The following SASH1 variants were observed in gnomAD, a reference collection of about 807,000 sequenced individuals.
The protein encoded by SASH1 is SAM and SH3 domain-containing protein 1.
SASH1 carries 44 observed loss-of-function variants against 125.2 expected under a neutral mutation model. The observed-to-expected ratio is 0.35, with a 90% CI of 0.28 to 0.45. SASH1 has a LOEUF of 0.45. Ranked by LOEUF, SASH1 falls within the 20% of genes least tolerant of loss-of-function variation. The probability of loss-of-function intolerance (pLI) is 1.00; values close to 1 mark genes in which losing one functional copy is unlikely to be tolerated. For missense variants in SASH1, 1,426 were observed against 1,614.5 expected, an observed-to-expected ratio of 0.88 and a Z score of 2.00; for synonymous variants, 639 against 649.1, an observed-to-expected ratio of 0.98 and a Z score of 0.24.
chr6:148,435,626 A>G, intron 2 of SASH1, among the ~76,000 whole-genome samples: 1 of 152,174 alleles, frequency 6.6e-6, no homozygotes, highest in East Asian at 1.9e-4. Flanking sequence ...GCAACAGTTA[A>G]GGAACTCTGA....
At chr6:148,419,484 ACT>A (rs1784955991) in intron 2 of SASH1, among the ~76,000 whole-genome samples, 2 of 152,106 alleles carry the variant, frequency 1.3e-5, no homozygotes, top group East Asian at 1.9e-4. Context: ...CTCATGTAAG[ACT>A]CTTGATTGTC....
At chr6:148,221,742 A>C in the SASH1 span, among the ~76,000 whole-genome samples, 1 of 152,216 alleles carries the variant, frequency 6.6e-6, no homozygotes, top group Non-Finnish European at 1.5e-5. Context: ...AACAGAGATT[A>C]ATTGGCTGAT....
the SASH1 span, among the ~76,000 whole-genome samples, chr6:148,195,466 A>G: frequency 6.6e-6 from 1 of 152,248 alleles, no homozygotes; most frequent in Non-Finnish European, 1.5e-5. Flanking sequence ...AGATAGTCAC[A>G]TGAGAGAACT....
At chr6:148,464,850 A>G (rs1389550011) in intron 4 of SASH1, among the ~76,000 whole-genome samples, 1 of 152,126 alleles carries the variant, frequency 6.6e-6, no homozygotes, top group African/African-American at 2.4e-5. Flanking sequence ...TTCTTTGGCC[A>G]GCATCTAGGT....
intron 1 of SASH1, among the ~76,000 whole-genome samples, chr6:148,303,961 GTA>G (rs1210449374): frequency 9.2e-5 from 14 of 152,116 alleles, no homozygotes; most frequent in Non-Finnish European, 2.1e-4. Context: ...AGAAGGCAAT[GTA>G]TGGCTCTAAA....
At chr6:148,263,601 C>G in the SASH1 span, among the ~76,000 whole-genome samples, 1 of 152,294 alleles carries the variant, frequency 6.6e-6, no homozygotes, top group African/African-American at 2.4e-5. Flanking sequence ...TAGCGGTGCC[C>G]AGAAGCACAG....
At chr6:148,221,906 C>T in the SASH1 span, among the ~76,000 whole-genome samples, 1 of 152,248 alleles carries the variant, frequency 6.6e-6, no homozygotes, top group Non-Finnish European at 1.5e-5. Context: ...TTACTTCTCA[C>T]TCTTCCTCGT....
chr6:148,204,384 G>A, the SASH1 span, among the ~76,000 whole-genome samples: 1 of 152,102 alleles, frequency 6.6e-6, no homozygotes. Flanking sequence ...CCCAAAAGTT[G>A]GAGGTTTTTG....
chr6:148,530,165 G>C (rs9498060), intron 12 of SASH1, among the ~76,000 whole-genome samples: 1 of 152,166 alleles, frequency 6.6e-6, no homozygotes, highest in East Asian at 1.9e-4. Flanking sequence ...AGGGATATTT[G>C]TTTTCTCCGT....
chr6:148,389,992 A>C, intron 1 of SASH1, 142 bp from the exon 2 acceptor site: 1 of 917,232 alleles, frequency 1.1e-6, no homozygotes. Context: ...GAGATCCTGC[A>C]TGTAAAACAA....
At chr6:148,234,972 C>T in the SASH1 span, among the ~76,000 whole-genome samples, 5 of 152,138 alleles carry the variant, frequency 3.3e-5, no homozygotes, top group African/African-American at 9.7e-5. Flanking sequence ...GGGCTGTCTT[C>T]GGTCCCAGGT....
chr6:148,228,886 A>G, the SASH1 span, among the ~76,000 whole-genome samples: 1 of 152,300 alleles, frequency 6.6e-6, no homozygotes, highest in African/African-American at 2.4e-5. Context: ...CTGTAATCCC[A>G]GCACCTTTGG....
At chr6:148,471,218 G>A (rs1018646161) in intron 5 of SASH1, among the ~76,000 whole-genome samples, 199 bp from the exon 6 acceptor site, 2 of 151,694 alleles carry the variant, frequency 1.3e-5, no homozygotes, top group Admixed American at 6.6e-5. Context: ...CTTGCTACTA[G>A]GAAATTTGCA....
chr6:148,436,099 A>G (rs1005208922), intron 2 of SASH1, among the ~76,000 whole-genome samples: 1 of 152,166 alleles, frequency 6.6e-6, no homozygotes, highest in African/African-American at 2.4e-5. Context: ...GGCCACAGCG[A>G]TGTCTGCCAT....
chr6:148,289,293 C>T (rs773230075), intron 1 of SASH1, among the ~76,000 whole-genome samples: 23 of 152,166 alleles, frequency 1.5e-4, no homozygotes, highest in Non-Finnish European at 2.6e-4. Context: ...GAGGGATGGC[C>T]GGTGTTGACT....
chr6:148,487,800 G>A (rs1326384436), intron 8 of SASH1, 85 bp downstream of exon 8: 23 of 976,908 alleles, frequency 2.4e-5, no homozygotes, highest in South Asian at 3.0e-5. Context: ...ATTTCTTTTC[G>A]AAACTTCCGA....
intron 9 of SASH1, among the ~76,000 whole-genome samples, chr6:148,517,702 A>C (rs1780522257): frequency 6.6e-6 from 1 of 152,210 alleles, no homozygotes; most frequent in Non-Finnish European, 1.5e-5. Flanking sequence ...TGAACCCGAG[A>C]ATAGAGCTAC....
chr6:148,457,559 C>T (rs1777418628), intron 4 of SASH1, among the ~76,000 whole-genome samples: 1 of 152,106 alleles, frequency 6.6e-6, no homozygotes, highest in South Asian at 2.1e-4. Context: ...TACAGCAAGG[C>T]TAGTTTTTTT....
chr6:148,429,705 G>A (rs1775983550), intron 2 of SASH1, among the ~76,000 whole-genome samples: 3 of 151,568 alleles, frequency 2.0e-5, no homozygotes, highest in African/African-American at 2.4e-5. Context: ...GTCACACCAC[G>A]GTACTCCAGC....
Sources: allele counts gnomAD v4.1 joint callset (sites outside exome capture counted in the v4.1 genomes callset), GRCh38; gene constraint gnomAD v4.1.1; transcripts MANE v1.5; gene names NCBI Gene and HGNC (gene_info 2026-07-23, HGNC 2026-07-21).